The following EDA variants were observed in gnomAD, a reference collection of about 807,000 sequenced individuals.
EDA encodes the protein ectodysplasin-A.
Under a neutral mutation model 23.6 loss-of-function variants are expected in EDA, and 2 were observed. That is an observed-to-expected ratio of 0.08 (90% CI 0.03 to 0.27). The LOEUF is 0.27. Among genes scored for constraint, EDA ranks in the 10% least tolerant of loss-of-function variants. The pLI is 1.00. For synonymous variants in EDA, 131 were observed against 132.0 expected (o/e 0.99, Z 0.05); for missense variants, 229 against 324.2 (o/e 0.71, Z 2.26).
chrX:69,909,093 A>T (rs2018219711), intron 1 of EDA, among the ~76,000 whole-genome samples: 1 of 111,397 alleles, frequency 9.0e-6, no homozygotes, highest in Non-Finnish European at 1.9e-5. Context: ...TAATCCTGAA[A>T]ATTACATCAC....
At chrX:69,881,654 A>C (rs1178962011) in intron 1 of EDA, among the ~76,000 whole-genome samples, 1 of 111,662 alleles carries the variant, frequency 9.0e-6, no homozygotes, top group African/African-American at 3.3e-5. Flanking sequence ...ATGCTGCATT[A>C]GTCCATTTTG....
intron 3 of EDA, among the ~76,000 whole-genome samples, chrX:70,026,995 G>A (rs2020114621): frequency 9.0e-6 from 1 of 111,083 alleles, no homozygotes; most frequent in Admixed American, 9.6e-5. Flanking sequence ...CCTTCCTGGA[G>A]CTGATACTGT....
intron 1 of EDA, among the ~76,000 whole-genome samples, chrX:69,956,271 T>TTTTCTTTC (rs533655797): frequency 0.013 from 1,030 of 81,067 alleles, 48 homozygotes; most frequent in Admixed American, 0.024. Context: ...AAATTCAAGG[T>TTTTCTTTC]TTTCTTTCTT....
At chrX:69,721,324 G>A (rs1383348360) in intron 1 of EDA, among the ~76,000 whole-genome samples, 1 of 112,029 alleles carries the variant, frequency 8.9e-6, no homozygotes. Context: ...CTAAGAACTG[G>A]TGCTTCTTCT....
chrX:69,927,963 T>A (rs751586705), intron 1 of EDA, among the ~76,000 whole-genome samples: 24 of 111,391 alleles, frequency 2.2e-4, no homozygotes, highest in Non-Finnish European at 4.0e-4. Context: ...TTTTAAATGT[T>A]AGGGGGGAAG....
chrX:69,989,752 G>A (rs943655747), intron 2 of EDA, among the ~76,000 whole-genome samples: 9 of 110,391 alleles, frequency 8.2e-5, no homozygotes, highest in African/African-American at 2.6e-4. Context: ...GAGCTCAATA[G>A]TAGAGTGGAG....
intron 1 of EDA, among the ~76,000 whole-genome samples, chrX:69,825,948 C>T (rs1247313719): frequency 9.2e-6 from 1 of 108,360 alleles, no homozygotes; most frequent in Non-Finnish European, 1.9e-5. Flanking sequence ...GCCTTCATTT[C>T]GTTATGTACC....
intron 1 of EDA, among the ~76,000 whole-genome samples, chrX:69,669,437 C>A (rs1320490283): frequency 9.0e-6 from 1 of 110,828 alleles, no homozygotes; most frequent in Non-Finnish European, 1.9e-5. Flanking sequence ...ATTTGTATAT[C>A]TGCTGTAGGT....
At chrX:69,853,565 C>T (rs1435552126) in intron 1 of EDA, among the ~76,000 whole-genome samples, 2 of 111,986 alleles carry the variant, frequency 1.8e-5, no homozygotes, top group African/African-American at 6.5e-5. Context: ...AATTAAAAAT[C>T]GTAATCCAGG....
intron 1 of EDA, among the ~76,000 whole-genome samples, chrX:69,880,566 T>C (rs1244948328): frequency 8.9e-6 from 1 of 111,931 alleles, no homozygotes; most frequent in African/African-American, 3.3e-5. Flanking sequence ...GCCTTACAAC[T>C]GCCAGAAGAA....
At chrX:69,679,003 C>A (rs1217816210) in intron 1 of EDA, among the ~76,000 whole-genome samples, 1 of 93,239 alleles carries the variant, frequency 1.1e-5, no homozygotes, top group Admixed American at 1.2e-4. Flanking sequence ...CCCATCAATA[C>A]CTAATTTATT....
chrX:70,011,995 A>G (rs978581987), intron 2 of EDA, among the ~76,000 whole-genome samples: 3 of 111,410 alleles, frequency 2.7e-5, no homozygotes, highest in African/African-American at 9.8e-5. Context: ...GCTGGCCTCC[A>G]TGGCCCTGAT....
intron 1 of EDA, among the ~76,000 whole-genome samples, chrX:69,780,838 G>A (rs941147872): frequency 9.0e-6 from 1 of 110,725 alleles, no homozygotes; most frequent in Non-Finnish European, 1.9e-5. Context: ...CTGCAGAACT[G>A]TGAGTCAATT....
intron 1 of EDA, among the ~76,000 whole-genome samples, chrX:69,619,752 T>A (rs759455182): frequency 8.9e-6 from 1 of 111,804 alleles, no homozygotes; most frequent in Non-Finnish European, 1.9e-5. Context: ...ATCGTCAGAG[T>A]AAAAAACTAA....
intron 1 of EDA, among the ~76,000 whole-genome samples, chrX:69,782,542 G>A (rs1207116733): frequency 9.0e-6 from 1 of 111,041 alleles, no homozygotes; most frequent in Non-Finnish European, 1.9e-5. Context: ...TGCTTTGTGT[G>A]GTTATATAGT....
chrX:69,851,369 C>A (rs1003758143), intron 1 of EDA, among the ~76,000 whole-genome samples: 1 of 112,212 alleles, frequency 8.9e-6, no homozygotes, highest in Non-Finnish European at 1.9e-5. Flanking sequence ...AAATTTTCTG[C>A]ATTTTATCAA....
At chrX:69,820,060 AACAGAAT>A in intron 1 of EDA, among the ~76,000 whole-genome samples, 1 of 111,460 alleles carries the variant, frequency 9.0e-6, no homozygotes, top group Non-Finnish European at 1.9e-5. Flanking sequence ...AGACCAATGG[AACAGAAT>A]AGGGAATTCA....
chrX:69,889,391 C>G (rs1002507653), intron 1 of EDA, among the ~76,000 whole-genome samples: 3 of 111,085 alleles, frequency 2.7e-5, no homozygotes, highest in African/African-American at 9.8e-5. Context: ...CTTAAGCCAT[C>G]CTCCTGCCTT....
At chrX:69,711,311 G>A (rs2012017747) in intron 1 of EDA, among the ~76,000 whole-genome samples, 1 of 111,539 alleles carries the variant, frequency 9.0e-6, no homozygotes, top group Admixed American at 9.5e-5. Context: ...ATTTGTCTAT[G>A]TTGAACCAGC....
Sources: gnomAD v4.1 joint callset for allele counts (sites outside exome capture counted in the v4.1 genomes callset) on GRCh38, gnomAD v4.1.1 for gene constraint, MANE v1.5 for transcripts, NCBI Gene and HGNC (gene_info 2026-07-23, HGNC 2026-07-21) for gene names.